The following TICRR variants were observed in gnomAD, a reference collection of about 807,000 sequenced individuals.
The protein encoded by TICRR is TOPBP1 interacting checkpoint and replication regulator, also known as treslin.
TICRR carries 132 observed loss-of-function variants against 178.1 expected under a neutral mutation model. The observed-to-expected ratio is 0.74, with a 90% CI of 0.64 to 0.86. The LOEUF is 0.86. TICRR is among the 40% of genes least tolerant of loss of function. The pLI is 0.00. For synonymous variants in TICRR, 991 were observed against 900.7 expected (o/e 1.10, Z -1.79); for missense variants, 2,587 against 2,334.3 (o/e 1.11, Z -2.23).
chr15:89,620,240 ACT>A (rs1339089350), intron 18 of TICRR, among the ~76,000 whole-genome samples: 4 of 152,078 alleles, frequency 2.6e-5, no homozygotes, highest in African/African-American at 9.7e-5. Flanking sequence ...ACAAGGTCTC[ACT>A]CTGTCACCCA....
chr15:89,611,882 T>C (rs1963261629), intron 15 of TICRR, among the ~76,000 whole-genome samples: 1 of 152,210 alleles, frequency 6.6e-6, no homozygotes, highest in Non-Finnish European at 1.5e-5. Flanking sequence ...TTTCCATTAG[T>C]TTCTTATATA....
Position 89,594,541 on chromosome 15 carries a change from C to G in TICRR, c.1668C>G (p.Asp556Glu), listed in dbSNP as rs777087148. 6.3e-7 allele frequency: 1 copy of G among 1,597,516 alleles called. No individual in the cohort carries two copies. Among genetic ancestry groups the G allele is most frequent in the Non-Finnish European group, 8.5e-7 (1 of 1,171,938 alleles). Residue 556 changes from aspartate (D) to glutamate (E), a missense_variant, in exon 6 of 22, where the codon GAC becomes GAG. Asp to Glu is a conservative substitution (Grantham distance 45). Coordinates refer to ENST00000268138, the MANE Select transcript of TICRR (RefSeq NM_152259.4). Reference protein sequence around the residue: ...REESTIAHQEDSKKKRGVPRT... With the variant: ...REESTIAHQEESKKKRGVPRT... The stretch of plus-strand genomic sequence containing the variant: ...AATCCACTATAGCTCATCAAGAAGA[C>G]AGCAAAAAGAAACGTATGTACCTAG...
chr15:89,582,661 A>G (rs773099294), intron 1 of TICRR, 25 bp from the exon 2 acceptor site: 14 of 1,606,184 alleles, frequency 8.7e-6, no homozygotes, highest in Non-Finnish European at 1.2e-5. Flanking sequence ...ATAGTAACCT[A>G]AGGTTGTTTG....
chr15:89,592,966 T>TATCTGTCTTC (rs1962937680), intron 5 of TICRR, among the ~76,000 whole-genome samples: 1 of 152,258 alleles, frequency 6.6e-6, no homozygotes, highest in Non-Finnish European at 1.5e-5. Context: ...GAAACTATGT[T>TATCTGTCTTC]AATACCACAT....
Position 89,585,854 on chromosome 15 carries a change from C to T in TICRR, c.1323C>T (p.Ser441=), listed in dbSNP as rs928068688. ...TTCTCCAAACAGCTGTGGCTGACAGCCCCCGGGACACAGCTTCCCTTTTCT... is the reference window on the plus strand; with the variant it reads ...TTCTCCAAACAGCTGTGGCTGACAGTCCCCGGGACACAGCTTCCCTTTTCT... ...RHVLQTAVAD[S]PRDTASLFSD... is the part of the protein sequence containing the mutation. The change falls in exon 4 of 22, where the codon AGC becomes AGT. Residue 441 remains serine (S), a synonymous_variant. Transcript: ENST00000268138. 2.5e-6 allele frequency: 4 copies of T among 1,613,916 alleles called. No individual in the cohort carries two copies. The African/African-American group carries it at 5.3e-5, about 22-fold the overall frequency.
At chr15:89,596,636 C>G (rs559218386) in intron 7 of TICRR, among the ~76,000 whole-genome samples, 1 of 152,210 alleles carries the variant, frequency 6.6e-6, no homozygotes, top group East Asian at 1.9e-4. Context: ...TGTGAGCCAC[C>G]GCGCCTGGCC....
intron 4 of TICRR, among the ~76,000 whole-genome samples, chr15:89,591,121 C>T (rs2141958077): frequency 6.6e-6 from 1 of 152,224 alleles, no homozygotes; most frequent in African/African-American, 2.4e-5. Flanking sequence ...TGTACAAAGC[C>T]AATTTTTGTG....
At chr15:89,583,960 T>C (rs1374813300) in intron 2 of TICRR, among the ~76,000 whole-genome samples, 1 of 152,172 alleles carries the variant, frequency 6.6e-6, no homozygotes, top group Non-Finnish European at 1.5e-5. Context: ...AGTGCTGAGA[T>C]TGCAGGCATG....
At chr15:89,617,120 C>T (rs1377638286) in intron 16 of TICRR, among the ~76,000 whole-genome samples, 1 of 152,178 alleles carries the variant, frequency 6.6e-6, no homozygotes, top group African/African-American at 2.4e-5. Flanking sequence ...CTGCCTTCTT[C>T]TCTCTGCCTT....
At chr15:89,623,560 A>G (rs999139832) in intron 19 of TICRR, 63 bp from the exon 20 acceptor site, 4 of 1,495,646 alleles carry the variant, frequency 2.7e-6, no homozygotes, top group Non-Finnish European at 2.7e-6. Context: ...AGAGATTACT[A>G]AAACACTTCA....
At chr15:89,626,102 ACTGT>A (rs1463810300) in intron 21 of TICRR, 41 bp downstream of exon 21, 3 of 1,600,864 alleles carry the variant, frequency 1.9e-6, no homozygotes, top group South Asian at 1.1e-5. Context: ...CCTGTGACAG[ACTGT>A]CTGAATTCAC....
Position 89,576,118 on chromosome 15 carries a change from G to A in TICRR, c.532G>A (p.Ala178Thr), listed in dbSNP as rs1468871234. 1.9e-6 allele frequency: 3 copies of A among 1,610,798 alleles called. No homozygotes were observed. Among genetic ancestry groups the A allele is most frequent in the Non-Finnish European group, 1.7e-6 (2 of 1,179,990 alleles). The stretch of plus-strand genomic sequence containing the variant: ...GTTCGTGTCTGGGTGCGAGGCCCAG[G>A]CCCAGCGCCTGCCGCCCACCCCTAA... ...LQFVSGCEAQ[A>T]QRLPPTPKQV... is the part of the protein sequence containing the mutation. Residue 178 changes from alanine (A) to threonine (T), a missense_variant, in exon 1 of 22, where the codon GCC becomes ACC. Ala to Thr is a moderately conservative substitution (Grantham distance 58). Coordinates refer to ENST00000268138, the MANE Select transcript of TICRR (RefSeq NM_152259.4).
At position 89,577,358 on chromosome 15, in the gene TICRR, C is replaced by CT. The variant is rs138466529; in HGVS notation, c.654+1122dup. Among the ~76,000 whole-genome samples, 1,026 of 152,236 alleles carry CT rather than the reference C, an allele frequency of 6.7e-3. 10 individuals carry two copies. The highest frequency in any genetic ancestry group is 0.023 in the African/African-American group (974 of 41,538). ...TGTTAAGTGCTAGGATAAGTATATA[C>CT]TTTTGCCTTCATCCTTCTCATTGCA... On this transcript the variant is annotated intron_variant, in intron 1 of 21. Transcript: ENST00000268138.
In TICRR at chr15:89,575,813, T is replaced by A; in HGVS notation, c.227T>A (p.Phe76Tyr). ...CTGGGGTCCCGCTCGTGGGAGGACTTTGAGGAGGAGCTGGAGGCCAGGCTC... is the reference window on the plus strand; with the variant it reads ...CTGGGGTCCCGCTCGTGGGAGGACTATGAGGAGGAGCTGGAGGCCAGGCTC... ...RELGSRSWED[F>Y]EEELEARLED... Residue 76 changes from phenylalanine to tyrosine, a missense_variant, in exon 1 of 22, where the codon TTT becomes TAT. Transcript: ENST00000268138. The A allele has an allele frequency of 6.2e-7, 1 of 1,602,580 alleles. No homozygotes were observed. Among genetic ancestry groups the A allele is most frequent in the East Asian group, 2.3e-5 (1 of 44,436 alleles).
At chr15:89,608,736 C>A in intron 14 of TICRR, 67 bp from the exon 15 acceptor site, 2 of 1,394,458 alleles carry the variant, frequency 1.4e-6, no homozygotes, top group Non-Finnish European at 1.9e-6. Context: ...TATCTTTTCT[C>A]AGATACGGCA....
At chr15:89,595,647 C>A in intron 7 of TICRR, 36 bp downstream of exon 7, 2 of 1,506,082 alleles carry the variant, frequency 1.3e-6, no homozygotes, top group Non-Finnish European at 1.8e-6. Flanking sequence ...TCTTTTATAC[C>A]CCGCTTTTTT....
chr15:89,592,313 C>T, intron 5 of TICRR, 137 bp downstream of exon 5: 2 of 620,284 alleles, frequency 3.2e-6, no homozygotes, highest in Non-Finnish European at 5.2e-6. Context: ...AAAATACTCT[C>T]ATACTTAATA....
chr15:89,604,984 A>C (rs753850613), intron 13 of TICRR, among the ~76,000 whole-genome samples: 4 of 152,304 alleles, frequency 2.6e-5, no homozygotes, highest in Middle Eastern at 3.4e-3. Context: ...TATAGTATTA[A>C]TTACATTAAT....
chr15:89,625,780 G>C lies in TICRR; in HGVS notation c.5470G>C (p.Val1824Leu). The C allele has an allele frequency of 1.9e-6, 3 of 1,595,992 alleles. No homozygotes were observed. Among genetic ancestry groups the C allele is most frequent in the Non-Finnish European group, 1.7e-6 (2 of 1,169,962 alleles). Residue 1824 changes from valine (V) to leucine (L), a missense_variant, in exon 20 of 22, where the codon GTT becomes CTT. Transcript: ENST00000268138. ...LPSTGDEEVFVSGSTPPPSCA... is the reference protein window; with the variant it reads ...LPSTGDEEVFLSGSTPPPSCA... ...CTCCACGGGAGACGAAGAGGTGTTT[G>C]TTTCCGGTGAGTTCGTTTTTGAAAC... is the stretch of plus-strand genomic sequence containing the variant.
Sources: allele counts gnomAD v4.1 joint callset (sites outside exome capture counted in the v4.1 genomes callset), GRCh38; gene constraint gnomAD v4.1.1; transcripts MANE v1.5; gene names NCBI Gene and HGNC (gene_info 2026-07-23, HGNC 2026-07-21).